Variants in TMEM79 observed in about 807,000 individuals in gnomAD.
TMEM79 encodes transmembrane protein 79.
In TMEM79, 30 loss-of-function variants were observed where a neutral mutation model predicts 31.2. That is an observed-to-expected ratio of 0.96 (90% CI 0.72 to 1.30). The LOEUF is 1.30. TMEM79 is among the 50% of genes most tolerant of loss of function. TMEM79 has a pLI of 0.00. For missense variants in TMEM79, 509 were observed against 528.2 expected, an observed-to-expected ratio of 0.96 and a Z score of 0.36; for synonymous variants, 213 against 229.5, an observed-to-expected ratio of 0.93 and a Z score of 0.65.
chr1:156,289,388 C>G (rs1469577457), intron 3 of TMEM79, among the ~76,000 whole-genome samples: 3 of 152,164 alleles, frequency 2.0e-5, no homozygotes, highest in Admixed American at 1.3e-4. Context: ...GCGGGTGGAT[C>G]ACCAGGTCAG....
rs780780000 is a variant in TMEM79 at position 156,285,845 on chromosome 1, G to A, written c.619G>A (p.Ala207Thr). ...WLRAVASVGA[A>T]LILFPCLLYG... ...AAGGGCTGTGGCCTCCGTGGGAGCC[G>A]CACTCATTCTCTTCCCTTGCCTACT... Residue 207 changes from alanine to threonine, a missense_variant, in exon 2 of 4, where the codon GCA (alanine) becomes ACA (threonine). Transcript: ENST00000405535. 18 of 1,613,506 alleles carry A rather than the reference G, an allele frequency of 1.1e-5. No homozygotes were observed. The highest frequency in any genetic ancestry group is 1.0e-4 in the Admixed American group (6 of 60,008).
intron 3 of TMEM79, chr1:156,290,734 C>G (rs1029406430): frequency 6.6e-6 from 1 of 151,776 alleles, no homozygotes; most frequent in Non-Finnish European, 1.5e-5. Flanking sequence ...GAGGCTGAGG[C>G]AGGAGAATTG....
intron 3 of TMEM79, among the ~76,000 whole-genome samples, chr1:156,289,117 C>T (rs1663245727): frequency 6.6e-6 from 1 of 152,158 alleles, no homozygotes; most frequent in South Asian, 2.1e-4. Context: ...TCAGTTTCAT[C>T]ATCTGTAAAA....
In TMEM79 at chr1:156,285,622, T is replaced by G. The variant is rs1443973673; in HGVS notation, c.396T>G (p.Ile132Met). The stretch of plus-strand genomic sequence containing the variant: ...AAGCGGCCCGTGCCTTCGTGCCTAT[T>G]GACCTACAGTGCATTGAGCGGCAGC... ...PEKAARAFVP[I>M]DLQCIERQPQ... The change falls in exon 2 of 4, where the codon ATT becomes ATG. Residue 132 changes from isoleucine to methionine, a missense_variant. Coordinates refer to ENST00000405535, the MANE Select transcript of TMEM79 (RefSeq NM_032323.3). The G allele has an allele frequency of 1.2e-6, 2 of 1,614,184 alleles. No homozygotes were observed. Among genetic ancestry groups the G allele is most frequent in the East Asian group, 4.5e-5 (2 of 44,888 alleles).
chr1:156,291,375 GC>G lies in TMEM79; in HGVS notation c.972-5del. 6.2e-7 allele frequency: 1 copy of G among 1,612,592 alleles called. No individual in the cohort carries two copies. Reference sequence around the variant, plus strand: ...TCGAGAGTAGCCTGACCCTTTTCTTGCCCCCATAGGCTGATCTACTGGCTGA... The same window carrying G: ...TCGAGAGTAGCCTGACCCTTTTCTTGCCCCATAGGCTGATCTACTGGCTGA... On this transcript the variant is annotated splice_polypyrimidine_tract_variant and intron_variant, in intron 3 of 3. Coordinates refer to ENST00000405535, the MANE Select transcript of TMEM79 (RefSeq NM_032323.3).
rs189506521 is a variant in TMEM79, at chr1:156,289,638, C to A, written c.972-1747C>A. ...AAAAATAACAAGAACAACAAAAAAA[C>A]AATCTGGTACTTGGTTCATTATACT... On this transcript the variant is annotated intron_variant, in intron 3 of 3. Coordinates refer to ENST00000405535, the MANE Select transcript of TMEM79 (RefSeq NM_032323.3). Among the ~76,000 whole-genome samples the A allele has an allele frequency of 2.7e-4, 41 of 152,196 alleles. No individual in the cohort carries two copies. In the East Asian group the frequency reaches 5.8e-3, roughly 22 times the overall value.
Position 156,291,368 on chromosome 1 carries a change from T to G in TMEM79, c.972-17T>G. ...GCTTCCCTCGAGAGTAGCCTGACCC[T>G]TTTCTTGCCCCCATAGGCTGATCTA... On this transcript the variant is annotated splice_polypyrimidine_tract_variant and intron_variant, in intron 3 of 3. Coordinates refer to ENST00000405535, the MANE Select transcript of TMEM79 (RefSeq NM_032323.3). 6.2e-7 allele frequency: 1 copy of G among 1,612,360 alleles called. No individual in the cohort carries two copies. The highest frequency in any genetic ancestry group is 2.2e-5 in the East Asian group (1 of 44,826).
Position 156,285,696 on chromosome 1 carries a change from G to T in TMEM79, c.470G>T (p.Arg157Leu). Residue 157 changes from arginine (R) to leucine (L), a missense_variant, in exon 2 of 4, where the codon CGA (arginine) becomes CTA (leucine). Coordinates refer to ENST00000405535, the MANE Select transcript of TMEM79 (RefSeq NM_032323.3). ...TGTGAGGCAGGCGAGGGCGAGTGCC[G>T]AACCTTCATGCCCCCCCGGGTCACC... ...VRCEAGEGECRTFMPPRVTHP... is the reference protein window; with the variant it reads ...VRCEAGEGECLTFMPPRVTHP... 1 of 1,613,474 alleles carries T rather than the reference G, an allele frequency of 6.2e-7. No individual in the cohort carries two copies. The highest frequency in any genetic ancestry group is 8.5e-7 in the Non-Finnish European group (1 of 1,179,980).
At chr1:156,289,589 G>C (rs1663257265) in intron 3 of TMEM79, among the ~76,000 whole-genome samples, 2 of 152,190 alleles carry the variant, frequency 1.3e-5, no homozygotes, top group Admixed American at 1.3e-4. Context: ...TCCAGCCTGG[G>C]CGACAGAGCG....
At chr1:156,290,632 T>C (rs1339237179) in intron 3 of TMEM79, 1 of 151,554 alleles carries the variant, frequency 6.6e-6, no homozygotes, top group Admixed American at 6.6e-5. Flanking sequence ...GGTCAGGAGA[T>C]TGAGACCATC....
rs116664767 is a variant in TMEM79, at chr1:156,285,657, A to G, written c.431A>G (p.Asp144Gly). 15,866 of 1,613,804 alleles carry G rather than the reference A, an allele frequency of 9.8e-3. 74 individuals carry two copies. Among genetic ancestry groups the G allele is most frequent in the Non-Finnish European group, 0.012 (14,215 of 1,179,960 alleles). The stretch of plus-strand genomic sequence containing the variant: ...TGCATTGAGCGGCAGCCCCAAGAAG[A>G]CCTTATCGTGCGCTGTGAGGCAGGC... ...LQCIERQPQE[D>G]LIVRCEAGEG... The change falls in exon 2 of 4, where the codon GAC (aspartate) becomes GGC (glycine). Residue 144 changes from aspartate (D) to glycine (G), a missense_variant. Asp to Gly is a moderately conservative substitution (Grantham distance 94). Transcript: ENST00000405535.
chr1:156,289,516 G>T (rs1663255106), intron 3 of TMEM79, among the ~76,000 whole-genome samples: 1 of 152,224 alleles, frequency 6.6e-6, no homozygotes, highest in Non-Finnish European at 1.5e-5. Flanking sequence ...GGAGGCTGAG[G>T]CAGGAGAATG....
At position 156,285,884 on chromosome 1, in the gene TMEM79, G is replaced by A. The variant is rs762068186; in HGVS notation, c.658G>A (p.Ala220Thr). The change falls in exon 2 of 4, where the codon GCC becomes ACC. Residue 220 changes from alanine to threonine, a missense_variant. Coordinates refer to ENST00000405535, the MANE Select transcript of TMEM79 (RefSeq NM_032323.3). ...CCCTTGCCTACTATACGGGGCATAT[G>A]CCTTCCTGCCGTTTGATGTCCCACG... The part of the protein sequence containing the change: ...LFPCLLYGAY[A>T]FLPFDVPRLP... The A allele has an allele frequency of 1.4e-5, 22 of 1,613,910 alleles. No individual in the cohort carries two copies. In the East Asian group the frequency reaches 4.5e-4, roughly 33 times the overall value.
Position 156,286,475 on chromosome 1 carries a change from T to C in TMEM79, c.971+2T>C. ...CACTGGTCTCTTTGCCGTCTCCCGG[T>C]AAGTTGGGGCAGAGGGTGGGGCATG... On this transcript the variant is annotated splice_donor_variant, in intron 3 of 3. Transcript: ENST00000405535. LOFTEE classifies it high-confidence loss of function. 1.2e-6 allele frequency: 2 copies of C among 1,613,958 alleles called. No homozygotes were observed. Among genetic ancestry groups the C allele is most frequent in the Non-Finnish European group, 1.7e-6 (2 of 1,179,910 alleles).
intron 1 of TMEM79, 93 bp from the exon 2 acceptor site, chr1:156,285,091 A>G (rs1031205924): frequency 4.1e-5 from 46 of 1,122,832 alleles, no homozygotes; most frequent in Non-Finnish European, 5.3e-5. Flanking sequence ...AAACCCATGA[A>G]GCCAGTTGCC....
upstream of TMEM79, among the ~76,000 whole-genome samples, chr1:156,283,580 G>C (rs1418842077): frequency 6.6e-6 from 1 of 152,230 alleles, no homozygotes; most frequent in Non-Finnish European, 1.5e-5. Context: ...GAGCGTGACT[G>C]CTTTGTCTTG....
intron 3 of TMEM79, 106 bp from the exon 4 acceptor site, chr1:156,291,279 C>T: frequency 1.0e-6 from 1 of 979,008 alleles, no homozygotes; most frequent in Non-Finnish European, 1.6e-6. Context: ...GCCATACCCA[C>T]CAACTGCATC....
Position 156,291,681 on chromosome 1 carries a change from C to T in TMEM79, c.*83C>T, listed in dbSNP as rs751170743. ...GAACCTTGTGGCCAGGCCTGGACTT[C>T]GCCCCCAGGCCTAGGACCGCGGTGG... On this transcript the variant is annotated 3_prime_UTR_variant, in exon 4 of 4. Transcript: ENST00000405535. The T allele has an allele frequency of 1.8e-4, 239 of 1,350,344 alleles. No homozygotes were observed. Among genetic ancestry groups the T allele is most frequent in the Non-Finnish European group, 2.2e-4 (212 of 951,872 alleles). The allele number at this position is 1,350,344 out of a possible 1,614,324, so 83.6% of individuals were successfully genotyped here.
At chr1:156,283,282 C>T (rs1399670958), upstream of TMEM79, among the ~76,000 whole-genome samples, 3 of 152,198 alleles carry the variant, frequency 2.0e-5, no homozygotes, top group Non-Finnish European at 4.4e-5. Flanking sequence ...AGTAAAGCCC[C>T]GGAAGAAATG....
Sources: gnomAD v4.1 joint callset for allele counts (sites outside exome capture counted in the v4.1 genomes callset) on GRCh38, gnomAD v4.1.1 for gene constraint, MANE v1.5 for transcripts, NCBI Gene and HGNC (gene_info 2026-07-23, HGNC 2026-07-21) for gene names.